ERICH3: variants seen among roughly 807,000 people sequenced by gnomAD.
ERICH3 encodes the protein glutamate-rich protein 3.
ERICH3 carries 126 observed loss-of-function variants against 131.1 expected under a neutral mutation model. The ratio of observed to expected loss-of-function variants is 0.96; its 90% CI spans 0.83 to 1.11. The LOEUF (loss-of-function observed/expected upper bound fraction) is 1.11, where lower values mean the gene tolerates loss of function less well. Among genes scored for constraint, ERICH3 ranks in the 50% most tolerant of loss-of-function variants. ERICH3 has a pLI of 0.00. For synonymous variants in ERICH3, 695 were observed against 644.6 expected, an observed-to-expected ratio of 1.08 and a Z score of -1.18; for missense variants, 2,050 against 1,810.7, an observed-to-expected ratio of 1.13 and a Z score of -2.40.
chr1:74,569,982 C>T lies in ERICH3; in HGVS notation c.*476G>A, dbSNP rs1434654019. On this transcript the variant is annotated 3_prime_UTR_variant, in exon 15 of 15. Transcript: ENST00000326665. ...GAAATTTAGAGCTCATTTTCACAGG[C>T]CAATTCATTAAAGCCCCAAACCACA... The T allele has an allele frequency of 1.3e-5, 2 of 152,168 alleles. No individual in the cohort carries two copies. The highest frequency in any genetic ancestry group is 3.4e-3 in the Middle Eastern group (1 of 294). 9.4% of individuals were successfully genotyped at this position (152,168 alleles called of 1,614,324 possible).
intron 1 of ERICH3, among the ~76,000 whole-genome samples, chr1:74,663,583 T>TAAAGGAAA (rs2100656098): frequency 6.9e-6 from 1 of 144,948 alleles, no homozygotes; most frequent in Admixed American, 7.0e-5. Flanking sequence ...GAAAGTCTAA[T>TAAAGGAAA]GGAAGGGTTC....
chr1:74,631,603 A>G, intron 7 of ERICH3, 110 bp downstream of exon 7: 1 of 865,154 alleles, frequency 1.2e-6, no homozygotes, highest in Middle Eastern at 3.2e-4. Context: ...CTTTACACAC[A>G]ACGTTTTGCA....
At chr1:74,668,763 C>T (rs920500286) in intron 1 of ERICH3, among the ~76,000 whole-genome samples, 3 of 152,132 alleles carry the variant, frequency 2.0e-5, no homozygotes, top group Non-Finnish European at 4.4e-5. Flanking sequence ...TAAGCCTGTG[C>T]AATTCAACTC....
rs1023874605 is a variant in ERICH3, at chr1:74,636,500, T to A, written c.445-62A>T. The A allele has an allele frequency of 2.0e-6, 3 of 1,466,300 alleles. No homozygotes were observed. The African/African-American group carries it at 4.2e-5, about 21-fold the overall frequency. The allele number at this position is 1,466,300 out of a possible 1,614,324, so 90.8% of individuals were successfully genotyped here. On this transcript the variant is annotated intron_variant, in intron 5 of 14. Transcript: ENST00000326665. The stretch of plus-strand genomic sequence containing the variant: ...TATCTTGACATGTTTCCAGAACCAA[T>A]TAATAACCCAATAAATTGCCTAGAG...
chr1:74,633,057 T>A (rs1412670758), intron 6 of ERICH3, among the ~76,000 whole-genome samples: 1 of 151,836 alleles, frequency 6.6e-6, no homozygotes, highest in Non-Finnish European at 1.5e-5. Context: ...CAATATAAAT[T>A]TATATTGTAC....
rs184870495 is a variant in ERICH3, at chr1:74,635,020, G to A, written c.603+1260C>T. On this transcript the variant is annotated intron_variant, in intron 6 of 14. Transcript: ENST00000326665. ...AGCCTTGACTATGACATCTCTTGGTGAATAAATAGCCCCTGAATATCATTG... is the reference window on the plus strand; with the variant it reads ...AGCCTTGACTATGACATCTCTTGGTAAATAAATAGCCCCTGAATATCATTG... 3.3e-5 allele frequency among the ~76,000 whole-genome samples: 5 copies of A among 152,232 alleles called. No homozygotes were observed. In the East Asian group the frequency reaches 9.6e-4, roughly 29 times the overall value.
intron 1 of ERICH3, among the ~76,000 whole-genome samples, chr1:74,653,801 A>T (rs1646559147): frequency 6.6e-6 from 1 of 152,028 alleles, no homozygotes; most frequent in African/African-American, 2.4e-5. Context: ...CTGTAACTCT[A>T]CCCTCATCTC....
chr1:74,627,076 C>T lies in ERICH3; in HGVS notation c.819+4637G>A, dbSNP rs61278468. 3.7e-3 allele frequency among the ~76,000 whole-genome samples: 562 copies of T among 152,180 alleles called. 4 individuals are homozygous for T. The highest frequency in any genetic ancestry group is 0.013 in the African/African-American group (532 of 41,534). ...AAGAGCCATCTCCCCTTAAATGAAT[C>T]TTTTCTATATCTAAATAAACGAAAC... is the stretch of plus-strand genomic sequence containing the variant. On this transcript the variant is annotated intron_variant, in intron 7 of 14. Coordinates refer to ENST00000326665, the MANE Select transcript of ERICH3 (RefSeq NM_001002912.5).
intron 3 of ERICH3, among the ~76,000 whole-genome samples, chr1:74,644,083 TA>T (rs5775251): frequency 0.43 from 64,702 of 151,822 alleles, 14,796 homozygotes; most frequent in Non-Finnish European, 0.52. Flanking sequence ...TGAAATTAAT[TA>T]GACATATTTG....
chr1:74,626,088 CTT>C (rs1649405811), intron 7 of ERICH3: 1 of 152,074 alleles, frequency 6.6e-6, no homozygotes, highest in Admixed American at 6.6e-5. Context: ...ATATTAAAGT[CTT>C]AAAATTTATT....
intron 1 of ERICH3, among the ~76,000 whole-genome samples, chr1:74,667,867 G>C (rs1646706584): frequency 6.6e-6 from 1 of 152,082 alleles, no homozygotes; most frequent in African/African-American, 2.4e-5. Context: ...CACATGTTGA[G>C]GGAGGGACCT....
intron 3 of ERICH3, among the ~76,000 whole-genome samples, chr1:74,645,098 C>T (rs1039436058): frequency 6.6e-6 from 1 of 152,056 alleles, no homozygotes; most frequent in East Asian, 1.9e-4. Context: ...AACAGCAAGA[C>T]CTCCGTTCAG....
chr1:74,572,716 T>G lies in ERICH3; in HGVS notation c.2994A>C (p.Thr998=). Reference sequence around the variant, plus strand: ...GCATCCGGCTTGCCTCTGCCTCTCCTGTGAAGGGGCTCAAGCGTGTTTCTG... The same window carrying G: ...GCATCCGGCTTGCCTCTGCCTCTCCGGTGAAGGGGCTCAAGCGTGTTTCTG... ...MRTETRLSPF[T]GEAEASRMQV... is the part of the protein sequence containing the mutation. The change falls in exon 14 of 15, where the codon ACA becomes ACC. Residue 998 remains threonine (T), a synonymous_variant. Coordinates refer to ENST00000326665, the MANE Select transcript of ERICH3 (RefSeq NM_001002912.5). 3 of 1,613,954 alleles carry G rather than the reference T, an allele frequency of 1.9e-6. No homozygotes were observed. Among genetic ancestry groups the G allele is most frequent in the Non-Finnish European group, 2.5e-6 (3 of 1,179,990 alleles).
In ERICH3 at chr1:74,630,089, A is replaced by C. The variant is rs1361614258; in HGVS notation, c.819+1624T>G. On this transcript the variant is annotated intron_variant, in intron 7 of 14. Coordinates refer to ENST00000326665, the MANE Select transcript of ERICH3 (RefSeq NM_001002912.5). Reference sequence around the variant, plus strand: ...GAGACATTTAAACTTGTGTTTTAAAAGAGCATGAACAGGTAGAATGTATCC... The same window carrying C: ...GAGACATTTAAACTTGTGTTTTAAACGAGCATGAACAGGTAGAATGTATCC... 2.0e-5 allele frequency among the ~76,000 whole-genome samples: 3 copies of C among 152,176 alleles called. No individual in the cohort carries two copies. The East Asian group carries it at 5.8e-4, about 29-fold the overall frequency.
At chr1:74,580,964 C>T (rs1044950120) in intron 12 of ERICH3, among the ~76,000 whole-genome samples, 3 of 152,158 alleles carry the variant, frequency 2.0e-5, no homozygotes, top group Admixed American at 2.0e-4. Context: ...TTGTTGCCAT[C>T]TTTATGTCCA....
At chr1:74,657,069 T>G (rs925352428) in intron 1 of ERICH3, among the ~76,000 whole-genome samples, 2 of 152,220 alleles carry the variant, frequency 1.3e-5, no homozygotes, top group African/African-American at 2.4e-5. Flanking sequence ...TATCCTTTTT[T>G]AAAATCCACA....
intron 12 of ERICH3, chr1:74,577,217 T>C: frequency 3.5e-6 from 1 of 283,362 alleles, no homozygotes; most frequent in Non-Finnish European, 6.4e-6. Context: ...TGTCAACTAC[T>C]TCTGGCCATT....
chr1:74,656,048 A>T (rs1361245199), intron 1 of ERICH3, among the ~76,000 whole-genome samples: 3 of 152,052 alleles, frequency 2.0e-5, no homozygotes, highest in African/African-American at 7.2e-5. Flanking sequence ...TTATGACCCA[A>T]CCAGCTGTGG....
Position 74,631,849 on chromosome 1 carries a change from T to C in ERICH3, c.683A>G (p.Asn228Ser). 6.2e-7 allele frequency: 1 copy of C among 1,613,538 alleles called. No homozygotes were observed. The highest frequency in any genetic ancestry group is 8.5e-7 in the Non-Finnish European group (1 of 1,179,622). ...AGGAGGAATAGGCATCATGTAACTGTTAATGTTTGGAAGTTGATATGAATT... is the reference window on the plus strand; with the variant it reads ...AGGAGGAATAGGCATCATGTAACTGCTAATGTTTGGAAGTTGATATGAATT... ...RMNSYQLPNI[N>S]SYMMPIPPPL... Residue 228 changes from asparagine (N) to serine (S), a missense_variant, in exon 7 of 15, where the codon AAC becomes AGC. Asn to Ser is a conservative substitution (Grantham distance 46, BLOSUM62 1). Transcript: ENST00000326665.
Sources: allele counts gnomAD v4.1 joint callset (sites outside exome capture counted in the v4.1 genomes callset), GRCh38; gene constraint gnomAD v4.1.1; transcripts MANE v1.5; gene names NCBI Gene and HGNC (gene_info 2026-07-23, HGNC 2026-07-21).